The following SCN2A variants were observed in gnomAD, a reference collection of about 807,000 sequenced individuals.
The protein encoded by SCN2A is sodium voltage-gated channel alpha subunit 2, also known as sodium channel protein type 2 subunit alpha.
Under a neutral mutation model 188.7 loss-of-function variants are expected in SCN2A, and 20 were observed. The observed-to-expected ratio is 0.11, with a 90% CI of 0.07 to 0.15. The LOEUF is 0.15. Among genes scored for constraint, SCN2A ranks in the 10% least tolerant of loss-of-function variants. The pLI, the probability that SCN2A is intolerant of heterozygous loss-of-function variation, is 1.00. For missense variants in SCN2A, 1,278 were observed against 2,445.0 expected, an observed-to-expected ratio of 0.52 and a Z score of 10.07; for synonymous variants, 804 against 833.1, an observed-to-expected ratio of 0.97 and a Z score of 0.60.
chr2:165,279,435 G>A (rs1695487924), intron 1 of SCN2A, among the ~76,000 whole-genome samples: 2 of 152,052 alleles, frequency 1.3e-5, no homozygotes, highest in Admixed American at 6.5e-5. Flanking sequence ...AAGGTATAAA[G>A]GATGGAAATG....
chr2:165,358,405 T>C (rs763642618), intron 17 of SCN2A, among the ~76,000 whole-genome samples: 2 of 152,154 alleles, frequency 1.3e-5, no homozygotes, highest in Non-Finnish European at 2.9e-5. Flanking sequence ...ATGTCTGTGT[T>C]TCAGTTGCTA....
chr2:165,374,749 T>A lies in SCN2A; in HGVS notation c.4037T>A (p.Ile1346Asn), dbSNP rs1483179196. 2.2e-5 allele frequency: 35 copies of A among 1,613,570 alleles called. No homozygotes were observed. Among genetic ancestry groups the A allele is most frequent in the Non-Finnish European group, 3.0e-5 (35 of 1,179,630 alleles). The change falls in exon 22 of 27, where the codon ATC becomes AAC. Residue 1346 changes from isoleucine to asparagine, a missense_variant. Ile to Asn is a moderately radical substitution (Grantham distance 149). Around this residue, in one of 17 missense-constraint regions of SCN2A, gnomAD observed 39 missense variants for 130.2 expected, o/e 0.30. Coordinates refer to ENST00000375437, the MANE Select transcript of SCN2A (RefSeq NM_001040142.2). Reference sequence around the variant, plus strand: ...ATGAATGTACTTCTGGTTTGTCTGATCTTTTGGCTAATATTCAGTATCATG... The same window carrying A: ...ATGAATGTACTTCTGGTTTGTCTGAACTTTTGGCTAATATTCAGTATCATG... ...SIMNVLLVCL[I>N]FWLIFSIMGV...
At position 165,365,059 on chromosome 2, in the gene SCN2A, TG is replaced by T. The variant is rs3835933; in HGVS notation, c.3400-74del. ...AGATCAAGAAAATGCATACAGAAGA[TG>T]GGGGGGGGGCACACCTAATTAATTT... On this transcript the variant is annotated intron_variant, in intron 17 of 26. Transcript: ENST00000375437. 0.56 allele frequency: 600,777 copies of T among 1,076,906 alleles called. 159,492 individuals are homozygous for T. Among genetic ancestry groups the T allele is most frequent in the Admixed American group, 0.65 (31,419 of 48,014 alleles). The allele number at this position is 1,076,906 out of a possible 1,614,324, so 66.7% of individuals were successfully genotyped here. A position where few individuals can be genotyped will look rare whatever the true frequency, so the allele number is the denominator to read the frequency against.
intron 19 of SCN2A, 56 bp from the exon 20 acceptor site, chr2:165,370,070 C>T: frequency 2.7e-6 from 4 of 1,484,270 alleles, no homozygotes; most frequent in Non-Finnish European, 3.7e-6. Context: ...TTTAAGAAAT[C>T]ATCAATTAGA....
chr2:165,315,029 C>T (rs1173608954), intron 10 of SCN2A, among the ~76,000 whole-genome samples: 4 of 152,114 alleles, frequency 2.6e-5, no homozygotes, highest in African/African-American at 9.7e-5. Context: ...AAATAAAATA[C>T]TTGACTGAAT....
chr2:165,306,465 T>C (rs1417374046), intron 3 of SCN2A, among the ~76,000 whole-genome samples: 1 of 151,812 alleles, frequency 6.6e-6, no homozygotes, highest in African/African-American at 2.4e-5. Context: ...TTGTTTGTTA[T>C]AGCAATAAAG....
At chr2:165,247,716 A>G (rs1693908851) in intron 1 of SCN2A, among the ~76,000 whole-genome samples, 1 of 152,102 alleles carries the variant, frequency 6.6e-6, no homozygotes, top group Non-Finnish European at 1.5e-5. Flanking sequence ...TTTTGATCCC[A>G]TTGAGTTTTA....
Position 165,390,075 on chromosome 2 carries a change from C to A in SCN2A, c.*251C>A. 2.0e-6 allele frequency: 1 copy of A among 496,694 alleles called. No individual in the cohort carries two copies. The highest frequency in any genetic ancestry group is 3.5e-6 in the Non-Finnish European group (1 of 287,626). 30.8% of individuals were successfully genotyped at this position (496,694 alleles called of 1,614,324 possible). ...AGCTGACACTGCTGAAGAGCAGAGG[C>A]GTAATGGCTACTCAGACGATAGGAA... On this transcript the variant is annotated 3_prime_UTR_variant, in exon 27 of 27. Coordinates refer to ENST00000375437, the MANE Select transcript of SCN2A (RefSeq NM_001040142.2).
At chr2:165,380,024 C>A (rs116009937) in intron 23 of SCN2A, among the ~76,000 whole-genome samples, 235 of 151,924 alleles carry the variant, frequency 1.5e-3, no homozygotes, top group African/African-American at 5.4e-3. Flanking sequence ...TACCTACATG[C>A]AGACCTACTA....
At chr2:165,260,738 G>A (rs1694553027) in intron 1 of SCN2A, among the ~76,000 whole-genome samples, 1 of 151,940 alleles carries the variant, frequency 6.6e-6, no homozygotes, top group African/African-American at 2.4e-5. Context: ...AGGCTGAGGC[G>A]GGTGCATCGC....
At chr2:165,244,974 AAAAG>A (rs1323336084) in intron 1 of SCN2A, among the ~76,000 whole-genome samples, 2 of 152,188 alleles carry the variant, frequency 1.3e-5, no homozygotes, top group Non-Finnish European at 2.9e-5. Context: ...TATCATGAAA[AAAAG>A]AAAGGGAGAT....
chr2:165,284,344 G>C (rs1400164092), intron 1 of SCN2A, among the ~76,000 whole-genome samples: 2 of 151,938 alleles, frequency 1.3e-5, no homozygotes, highest in Non-Finnish European at 2.9e-5. Context: ...CTAATTGTTT[G>C]TATTTTTAGT....
At chr2:165,381,245 C>T (rs151253466) in intron 25 of SCN2A, 48 bp downstream of exon 25, 10 of 1,307,750 alleles carry the variant, frequency 7.6e-6, no homozygotes, top group African/African-American at 4.4e-5. Flanking sequence ...ATTACCTAAC[C>T]GTTTCACAGC....
rs1295275069 is a variant in SCN2A, at chr2:165,239,527, A to G, written c.-165A>G. On this transcript the variant is annotated 5_prime_UTR_variant, in exon 1 of 27. An upstream start codon of the reference 5' UTR is lost. Coordinates refer to ENST00000375437, the MANE Select transcript of SCN2A (RefSeq NM_001040142.2). ...TTCTTCTTTAATGAGGATAGAGCAC[A>G]TGTGAGATTTTACTTTCTACTCCAG... The G allele has an allele frequency of 4.0e-6, 2 of 506,142 alleles. No homozygotes were observed. Among genetic ancestry groups the G allele is most frequent in the East Asian group, 3.0e-4 (2 of 6,654 alleles). 31.4% of individuals were successfully genotyped at this position (506,142 alleles called of 1,614,324 possible). A position where few individuals can be genotyped will look rare whatever the true frequency, so the allele number is the denominator to read the frequency against.
chr2:165,271,685 A>C (rs1413583979), intron 1 of SCN2A: 1 of 152,148 alleles, frequency 6.6e-6, no homozygotes, highest in Non-Finnish European at 1.5e-5. Context: ...AAGATGTAGA[A>C]TATTTCTATC....
chr2:165,292,563 A>T (rs1696271138), intron 1 of SCN2A, among the ~76,000 whole-genome samples: 1 of 152,118 alleles, frequency 6.6e-6, no homozygotes, highest in Non-Finnish European at 1.5e-5. Context: ...CCCACTTATA[A>T]GTGAGAAGAT....
chr2:165,378,307 C>T (rs1448205041), intron 23 of SCN2A, among the ~76,000 whole-genome samples: 1 of 147,306 alleles, frequency 6.8e-6, no homozygotes, highest in East Asian at 2.0e-4. Flanking sequence ...AGCTAGCTTT[C>T]TGAGTGAAGA....
intron 1 of SCN2A, among the ~76,000 whole-genome samples, chr2:165,282,582 T>G (rs576984250): frequency 1.3e-5 from 2 of 152,270 alleles, no homozygotes; most frequent in South Asian, 4.1e-4. Context: ...CTTAAACAAG[T>G]GTCTTCCTCT....
At position 165,374,677 on chromosome 2, in the gene SCN2A, T is replaced by G; in HGVS notation, c.3973-8T>G. On this transcript the variant is annotated splice_region_variant and splice_polypyrimidine_tract_variant and intron_variant, in intron 21 of 26. Coordinates refer to ENST00000375437, the MANE Select transcript of SCN2A (RefSeq NM_001040142.2). Reference sequence around the variant, plus strand: ...TTTCACTTATTTTTCCTTCTCATCCTGTGCCAGGTTGTTGTAAATGCTCTT... The same window carrying G: ...TTTCACTTATTTTTCCTTCTCATCCGGTGCCAGGTTGTTGTAAATGCTCTT... 2 of 1,612,700 alleles carry G rather than the reference T, an allele frequency of 1.2e-6. No homozygotes were observed. The highest frequency in any genetic ancestry group is 1.7e-6 in the Non-Finnish European group (2 of 1,179,178).
Sources: gnomAD v4.1 joint callset for allele counts (sites outside exome capture counted in the v4.1 genomes callset) on GRCh38, gnomAD v4.1.1 for gene constraint, gnomAD v4.1.1 regional missense constraint, MANE v1.5 for transcripts, NCBI Gene and HGNC (gene_info 2026-07-23, HGNC 2026-07-21) for gene names.